FAM117B: variants seen among roughly 807,000 people sequenced by gnomAD.
FAM117B encodes the protein family with sequence similarity 117 member B, also known as protein FAM117B.
A neutral mutation model predicts 52.8 loss-of-function variants in FAM117B; 22 were observed. The observed-to-expected ratio is 0.42, with a 90% CI of 0.30 to 0.59. The LOEUF is 0.59. Among genes scored for constraint, FAM117B ranks in the 20% least tolerant of loss-of-function variants. The probability of loss-of-function intolerance (pLI) is 0.22; values close to 1 mark genes in which losing one functional copy is unlikely to be tolerated. For missense variants in FAM117B, 678 were observed against 802.6 expected (o/e 0.84, Z 1.88); for synonymous variants, 309 against 324.1 (o/e 0.95, Z 0.50).
intron 5 of FAM117B, among the ~76,000 whole-genome samples, chr2:202,756,907 A>G (rs1199240697): frequency 6.6e-6 from 1 of 152,048 alleles, no homozygotes; most frequent in African/African-American, 2.4e-5. Flanking sequence ...CATGGCCCTC[A>G]TTTATAATTT....
chr2:202,636,904 A>C (rs1205228675), intron 1 of FAM117B, among the ~76,000 whole-genome samples: 3 of 152,188 alleles, frequency 2.0e-5, no homozygotes, highest in Admixed American at 1.3e-4. Flanking sequence ...AAAATGATGA[A>C]TAGTATTTTC....
At chr2:202,668,098 T>C (rs1038199926) in intron 1 of FAM117B, among the ~76,000 whole-genome samples, 1 of 145,030 alleles carries the variant, frequency 6.9e-6, no homozygotes, top group Non-Finnish European at 1.5e-5. Context: ...TATAAAAATA[T>C]ATTTATATAA....
chr2:202,756,264 C>A (rs1169945854), intron 5 of FAM117B, among the ~76,000 whole-genome samples: 2 of 151,732 alleles, frequency 1.3e-5, no homozygotes, highest in Non-Finnish European at 2.9e-5. Flanking sequence ...TAAAAGAATA[C>A]AAAAATAAGC....
At chr2:202,712,417 CTCTTT>C (rs1690971970) in intron 2 of FAM117B, among the ~76,000 whole-genome samples, 1 of 112,444 alleles carries the variant, frequency 8.9e-6, no homozygotes, top group Non-Finnish European at 1.8e-5. Flanking sequence ...TTTATCAGCT[CTCTTT>C]TTTTTTTTTT....
At chr2:202,686,456 A>G (rs965183965) in intron 1 of FAM117B, among the ~76,000 whole-genome samples, 1 of 152,250 alleles carries the variant, frequency 6.6e-6, no homozygotes, top group African/African-American at 2.4e-5. Context: ...GATTTCTTCA[A>G]GAATTTTCGT....
Position 202,732,532 on chromosome 2 carries a change from A to G in FAM117B, c.960+6169A>G, listed in dbSNP as rs977648049. 2.6e-5 allele frequency among the ~76,000 whole-genome samples: 4 copies of G among 152,274 alleles called. No individual in the cohort carries two copies. In the East Asian group the frequency reaches 5.8e-4, roughly 22 times the overall value. On this transcript the variant is annotated intron_variant, in intron 4 of 7. Coordinates refer to ENST00000392238, the MANE Select transcript of FAM117B (RefSeq NM_173511.4). ...AACATGCCTGAACCTTGAAAACATT[A>G]TGCTGGCCAGGCACGGCGGCTTATG...
At chr2:202,662,119 GGTGTGTGT>G (rs35842700) in intron 1 of FAM117B, among the ~76,000 whole-genome samples, 2 of 149,580 alleles carry the variant, frequency 1.3e-5, no homozygotes, top group South Asian at 4.2e-4. Context: ...ATGTGAGGTA[GGTGTGTGT>G]GTGTGTGTGT....
intron 4 of FAM117B, among the ~76,000 whole-genome samples, chr2:202,750,699 A>G (rs949788907): frequency 6.6e-6 from 1 of 152,230 alleles, no homozygotes; most frequent in East Asian, 1.9e-4. Context: ...AAAGAGATTA[A>G]TAAGACATAG....
chr2:202,740,252 C>T (rs1405942290), intron 4 of FAM117B, among the ~76,000 whole-genome samples: 8 of 137,822 alleles, frequency 5.8e-5, no homozygotes, highest in South Asian at 2.4e-4. Context: ...CCCAGCTACT[C>T]GGGAGGGTGA....
intron 1 of FAM117B, among the ~76,000 whole-genome samples, chr2:202,686,927 G>A (rs1183671471): frequency 6.6e-6 from 1 of 152,132 alleles, no homozygotes; most frequent in South Asian, 2.1e-4. Context: ...CATACACACA[G>A]ATTTATTTTA....
At position 202,635,752 on chromosome 2, in the gene FAM117B, G is replaced by A; in HGVS notation, c.565G>A (p.Glu189Lys). The A allele has an allele frequency of 6.9e-7, 1 of 1,457,486 alleles. No homozygotes were observed. Among genetic ancestry groups the A allele is most frequent in the Non-Finnish European group, 9.0e-7 (1 of 1,107,686 alleles). The allele number at this position is 1,457,486 out of a possible 1,614,324, so 90.3% of individuals were successfully genotyped here. A position where few individuals can be genotyped will look rare whatever the true frequency, so the allele number is the denominator to read the frequency against. Residue 189 changes from glutamate to lysine, a missense_variant, in exon 1 of 8, where the codon GAG (glutamate) becomes AAG (lysine). This residue lies in a region of FAM117B where 583 missense variants were observed against 644.8 expected (regional missense o/e 0.90). Transcript: ENST00000392238. ...RSPEQSRSSP[E>K]KRSPSAPVCK... ...TCCGGAGCAGAGCCGAAGCTCGCCG[G>A]AGAAGAGGAGCCCCAGCGCCCCGGT... is the stretch of plus-strand genomic sequence containing the variant.
chr2:202,650,658 C>T (rs1689942329), intron 1 of FAM117B, among the ~76,000 whole-genome samples: 1 of 152,226 alleles, frequency 6.6e-6, no homozygotes. Flanking sequence ...GACAGTGCAG[C>T]CTTCAGTCTG....
chr2:202,758,189 C>T (rs1044514290), intron 6 of FAM117B, among the ~76,000 whole-genome samples: 2 of 152,134 alleles, frequency 1.3e-5, no homozygotes, highest in African/African-American at 4.8e-5. Flanking sequence ...CTAAAATGCC[C>T]TGCTGTTAGG....
chr2:202,767,767 C>G lies in FAM117B; in HGVS notation c.*2003C>G, dbSNP rs1385060798. Reference sequence around the variant, plus strand: ...AAATAATCCCTGTTGAGTTTAAATTCGAGATGCATTTAGGTAAATTGGATA... The same window carrying G: ...AAATAATCCCTGTTGAGTTTAAATTGGAGATGCATTTAGGTAAATTGGATA... On this transcript the variant is annotated 3_prime_UTR_variant, in exon 8 of 8. Coordinates refer to ENST00000392238, the MANE Select transcript of FAM117B (RefSeq NM_173511.4). The G allele has an allele frequency of 6.6e-6, 1 of 152,096 alleles. No individual in the cohort carries two copies. Among genetic ancestry groups the G allele is most frequent in the Non-Finnish European group, 1.5e-5 (1 of 68,018 alleles). 9.4% of individuals were successfully genotyped at this position (152,096 alleles called of 1,614,324 possible). A position where few individuals can be genotyped will look rare whatever the true frequency, so the allele number is the denominator to read the frequency against.
chr2:202,764,511 C>T (rs1691947264), intron 7 of FAM117B, among the ~76,000 whole-genome samples: 1 of 151,972 alleles, frequency 6.6e-6, no homozygotes, highest in Admixed American at 6.6e-5. Context: ...TTCAAGTAAG[C>T]CTCCCCGCTC....
chr2:202,643,988 G>A (rs529703371), intron 1 of FAM117B, among the ~76,000 whole-genome samples: 1 of 151,266 alleles, frequency 6.6e-6, no homozygotes, highest in African/African-American at 2.4e-5. Context: ...GGAATTACAG[G>A]CGTGAGCCAC....
chr2:202,703,859 A>G (rs1690833682), intron 2 of FAM117B, among the ~76,000 whole-genome samples: 1 of 152,158 alleles, frequency 6.6e-6, no homozygotes, highest in African/African-American at 2.4e-5. Flanking sequence ...GGGTCATATG[A>G]TAATTCGATG....
intron 1 of FAM117B, among the ~76,000 whole-genome samples, chr2:202,640,941 A>G (rs866239395): frequency 1.3e-5 from 2 of 152,160 alleles, no homozygotes; most frequent in African/African-American, 4.8e-5. Flanking sequence ...TGTGATGTCT[A>G]TATTTTGCAA....
chr2:202,679,528 G>A (rs563180232), intron 1 of FAM117B, among the ~76,000 whole-genome samples: 1 of 152,326 alleles, frequency 6.6e-6, no homozygotes, highest in South Asian at 2.1e-4. Flanking sequence ...GGAGCTCTAT[G>A]TTAAGTAATT....
Sources: allele counts gnomAD v4.1 joint callset (sites outside exome capture counted in the v4.1 genomes callset), GRCh38; gene constraint gnomAD v4.1.1; regional missense constraint gnomAD v4.1.1; transcripts MANE v1.5; gene names NCBI Gene and HGNC (gene_info 2026-07-23, HGNC 2026-07-21).